KLRG1: variants seen among roughly 807,000 people sequenced by gnomAD.
KLRG1 encodes killer cell lectin-like receptor subfamily G member 1.
Under a neutral mutation model 21.8 loss-of-function variants are expected in KLRG1, and 16 were observed. The ratio of observed to expected loss-of-function variants is 0.73; its 90% confidence interval spans 0.50 to 1.11. The LOEUF (loss-of-function observed/expected upper bound fraction) is 1.11. Ranked by LOEUF, KLRG1 falls within the 50% of genes most tolerant of loss-of-function variation. The pLI is 0.00. For synonymous variants in KLRG1, 69 were observed against 75.9 expected (o/e 0.91, Z 0.47); for missense variants, 173 against 218.3 (o/e 0.79, Z 1.31).
chr12:9,064,684 T>C, the KLRG1 span: 1 of 154,064 alleles, frequency 6.5e-6, no homozygotes, highest in Admixed American at 6.5e-5. The surrounding 1 kb of genome is among the most constrained non-coding windows in gnomAD (Gnocchi z 4.0). Flanking sequence ...AGCAGTGTAG[T>C]CGGGCACGGA....
chr12:8,996,591 T>C (rs760238064), intron 3 of KLRG1: 7 of 152,168 alleles, frequency 4.6e-5, no homozygotes, highest in Admixed American at 3.9e-4. Flanking sequence ...ATATAAAGCA[T>C]ACAGATTCTT....
chr12:9,026,028 C>T, the KLRG1 span, among the ~76,000 whole-genome samples: 4 of 152,034 alleles, frequency 2.6e-5, no homozygotes, highest in African/African-American at 4.8e-5. Flanking sequence ...GGCAGGGGGC[C>T]GAACATTTTC....
rs774190339 is a variant in KLRG1, at chr12:8,958,662, C to A, written c.-156+8426C>A. Among the ~76,000 whole-genome samples, 5 of 151,954 alleles carry A rather than the reference C, an allele frequency of 3.3e-5. No homozygotes were observed. The South Asian group carries it at 1.0e-3, about 32-fold the overall frequency. On this transcript the variant is annotated intron_variant, in intron 1 of 4. Transcript: ENST00000539240. ...ACTTGGGCTCAGGATTTCAAACCAG[C>A]TTGGGCAACATGGTGAGACTCTGTC... is the stretch of plus-strand genomic sequence containing the variant.
the KLRG1 span, among the ~76,000 whole-genome samples, chr12:9,178,726 A>T: frequency 1.3e-5 from 2 of 152,194 alleles, no homozygotes; most frequent in African/African-American, 4.8e-5. Context: ...GGAAGACAGG[A>T]ACAGAAATGT....
chr12:9,161,997 T>C, the KLRG1 span, among the ~76,000 whole-genome samples: 1 of 152,208 alleles, frequency 6.6e-6, no homozygotes, highest in African/African-American at 2.4e-5. Flanking sequence ...AGTCTCACTC[T>C]GTTGCCCAGG....
At chr12:9,118,846 T>C in the KLRG1 span, among the ~76,000 whole-genome samples, 5 of 152,272 alleles carry the variant, frequency 3.3e-5, no homozygotes, top group Middle Eastern at 3.4e-3. Flanking sequence ...AGACTATGGA[T>C]TTATCAGTTT....
At chr12:8,977,945 G>C (rs1415245723) in intron 1 of KLRG1, among the ~76,000 whole-genome samples, 1 of 152,034 alleles carries the variant, frequency 6.6e-6, no homozygotes, top group Non-Finnish European at 1.5e-5. Context: ...TGCAGCCTCT[G>C]CCTCCTGGGT....
chr12:9,126,013 G>A, the KLRG1 span, among the ~76,000 whole-genome samples: 5 of 152,138 alleles, frequency 3.3e-5, no homozygotes, highest in African/African-American at 9.7e-5. Context: ...GATTACAGGC[G>A]TGAGCCACTG....
chr12:9,079,135 A>G, the KLRG1 span: 2 of 803,858 alleles, frequency 2.5e-6, no homozygotes, highest in Admixed American at 5.4e-5. Flanking sequence ...ATAACAAACC[A>G]TCGGTCTGAT....
the KLRG1 span, among the ~76,000 whole-genome samples, chr12:9,121,122 G>A: frequency 2.0e-5 from 3 of 151,974 alleles, no homozygotes; most frequent in Admixed American, 6.6e-5. This position sits in a 1 kb window ranked among gnomAD's most constrained non-coding sequence, Gnocchi z 4.4. Context: ...CTGGCCTCAC[G>A]GGATCTTCCT....
At chr12:9,028,220 C>T in the KLRG1 span, 20 of 543,546 alleles carry the variant, frequency 3.7e-5, no homozygotes, top group African/African-American at 2.4e-4. Context: ...GGTGTGATCT[C>T]GGCTCACTGC....
At chr12:8,984,396 G>A (rs1946808745) in intron 1 of KLRG1, among the ~76,000 whole-genome samples, 1 of 152,048 alleles carries the variant, frequency 6.6e-6, no homozygotes, top group African/African-American at 2.4e-5. Context: ...TAGAGACAGG[G>A]TTTCACCATG....
chr12:8,953,744 T>C (rs1030618485), intron 1 of KLRG1, among the ~76,000 whole-genome samples: 5 of 152,054 alleles, frequency 3.3e-5, no homozygotes, highest in African/African-American at 1.2e-4. Context: ...ACAGGAAAAA[T>C]TTAAAGAATT....
chr12:9,081,192 G>A, the KLRG1 span, among the ~76,000 whole-genome samples: 1 of 152,144 alleles, frequency 6.6e-6, no homozygotes, highest in Non-Finnish European at 1.5e-5. Context: ...AAGACAAATA[G>A]CCAAAGATTA....
chr12:9,112,892 A>ATT, the KLRG1 span, among the ~76,000 whole-genome samples: 1 of 152,152 alleles, frequency 6.6e-6, no homozygotes, highest in African/African-American at 2.4e-5. Flanking sequence ...AAAACCCCGT[A>ATT]TTTTACTGAC....
chr12:9,014,813 G>A (rs1397744494), downstream of KLRG1, among the ~76,000 whole-genome samples: 1 of 151,658 alleles, frequency 6.6e-6, no homozygotes, highest in African/African-American at 2.4e-5. Context: ...TTAAGACATG[G>A]ACAGTACAAT....
At chr12:8,992,759 A>G (rs1947012528) in intron 2 of KLRG1, among the ~76,000 whole-genome samples, 1 of 151,828 alleles carries the variant, frequency 6.6e-6, no homozygotes, top group African/African-American at 2.4e-5. Context: ...GCTGATCTCA[A>G]ACTCCTGGGC....
chr12:8,952,263 C>G (rs759671332), intron 1 of KLRG1, among the ~76,000 whole-genome samples: 15 of 152,216 alleles, frequency 9.9e-5, no homozygotes, highest in Non-Finnish European at 1.9e-4. Context: ...GCCTCCTGTT[C>G]TGTATAATCA....
chr12:9,087,805 C>A, the KLRG1 span, among the ~76,000 whole-genome samples: 2 of 151,964 alleles, frequency 1.3e-5, no homozygotes, highest in African/African-American at 4.8e-5. Context: ...ACAACAACAA[C>A]CAACCAAACA....
Sources: gnomAD v4.1 joint callset for allele counts (sites outside exome capture counted in the v4.1 genomes callset) on GRCh38, gnomAD v4.1.1 for gene constraint, Gnocchi (gnomAD v3.1) non-coding constraint, MANE v1.5 for transcripts, NCBI Gene and HGNC (gene_info 2026-07-23, HGNC 2026-07-21) for gene names.